FAM81B: variants seen among roughly 807,000 people sequenced by gnomAD.
FAM81B encodes the protein family with sequence similarity 81 member B.
In FAM81B, 60 loss-of-function variants were observed where a neutral mutation model predicts 58.7. That is an observed-to-expected ratio of 1.02 (90% CI 0.83 to 1.27). FAM81B has a LOEUF of 1.27. FAM81B is among the 50% of genes most tolerant of loss of function. The pLI is 0.00. For synonymous variants in FAM81B, 189 were observed against 179.6 expected (o/e 1.05, Z -0.42); for missense variants, 491 against 522.0 (o/e 0.94, Z 0.58).
chr5:95,399,780 G>A (rs553437593), intron 3 of FAM81B, among the ~76,000 whole-genome samples: 3 of 152,304 alleles, frequency 2.0e-5, no homozygotes, highest in Non-Finnish European at 4.4e-5. Flanking sequence ...TGGGAGCCAG[G>A]CAGGAAAGGT....
chr5:95,411,969 GTAA>G (rs922415225), intron 3 of FAM81B, among the ~76,000 whole-genome samples: 9 of 152,150 alleles, frequency 5.9e-5, no homozygotes, highest in Admixed American at 3.9e-4. Context: ...ATTGTGAAAA[GTAA>G]TAATAACAAT....
intron 8 of FAM81B, among the ~76,000 whole-genome samples, chr5:95,447,132 T>C (rs947839257): frequency 1.3e-5 from 2 of 152,082 alleles, no homozygotes; most frequent in African/African-American, 4.8e-5. Flanking sequence ...GATCAGACCA[T>C]GTAAAGACAG....
chr5:95,424,224 G>T, intron 5 of FAM81B: 1 of 1,289,614 alleles, frequency 7.8e-7, no homozygotes, highest in Non-Finnish European at 1.0e-6. Context: ...AATAGTTATT[G>T]TTAGAATGCA....
chr5:95,435,180 G>C (rs764859656), intron 6 of FAM81B, among the ~76,000 whole-genome samples: 1 of 152,218 alleles, frequency 6.6e-6, no homozygotes, highest in Non-Finnish European at 1.5e-5. Flanking sequence ...GAGCACAGTA[G>C]TCACAGCCCT....
intron 5 of FAM81B, among the ~76,000 whole-genome samples, chr5:95,421,034 G>C (rs1762667564): frequency 6.6e-6 from 1 of 152,106 alleles, no homozygotes; most frequent in African/African-American, 2.4e-5. Context: ...CTCGGAATTA[G>C]ATAATTACTA....
chr5:95,436,823 A>G lies in FAM81B; in HGVS notation c.810A>G (p.Ile270Met). The G allele has an allele frequency of 6.2e-7, 1 of 1,613,800 alleles. No individual in the cohort carries two copies. Among genetic ancestry groups the G allele is most frequent in the Non-Finnish European group, 8.5e-7 (1 of 1,179,646 alleles). ...AGGTGATGCAGCTCTTAGGAAAGAT[A>G]GAAACTGCCAGTTCTGAGCAAACCT... The part of the protein sequence containing the change: ...DMKVMQLLGK[I>M]ETASSEQTSN... Residue 270 changes from isoleucine to methionine, a missense_variant, in exon 7 of 10, where the codon ATA (isoleucine) becomes ATG (methionine). Ile to Met is a conservative substitution (Grantham distance 10, BLOSUM62 1). Transcript: ENST00000283357.
intron 3 of FAM81B, chr5:95,410,679 G>C (rs1317791372): frequency 6.6e-6 from 1 of 152,068 alleles, no homozygotes; most frequent in Non-Finnish European, 1.5e-5. Flanking sequence ...ATTTCCAAGA[G>C]GGCAGGGGCT....
At chr5:95,414,215 G>A (rs1762479814) in intron 4 of FAM81B, 25 bp downstream of exon 4, 2 of 1,587,648 alleles carry the variant, frequency 1.3e-6, no homozygotes, top group South Asian at 1.2e-5. Context: ...GTTTTATTTT[G>A]TTTTTGTTTT....
rs371798339 is a variant in FAM81B at position 95,417,600 on chromosome 5, G to A, written c.538-2684G>A. On this transcript the variant is annotated intron_variant, in intron 4 of 9. Transcript: ENST00000283357. ...TACTTTTAAATTTTGTTGATTTGAC[G>A]AGCTCTTTTATTTTACATATTAGAA... Among the ~76,000 whole-genome samples, 90 of 152,104 alleles carry A rather than the reference G, an allele frequency of 5.9e-4. 1 individual carries two copies. The highest frequency in any genetic ancestry group is 1.6e-3 in the African/African-American group (65 of 41,496).
At chr5:95,416,623 A>G (rs967067963) in intron 4 of FAM81B, among the ~76,000 whole-genome samples, 2 of 152,200 alleles carry the variant, frequency 1.3e-5, no homozygotes, top group Non-Finnish European at 2.9e-5. Context: ...AAATACCCAG[A>G]TGAATCTCCC....
At chr5:95,418,690 C>T (rs1371948644) in intron 4 of FAM81B, among the ~76,000 whole-genome samples, 2 of 152,076 alleles carry the variant, frequency 1.3e-5, no homozygotes, top group African/African-American at 4.8e-5. Flanking sequence ...CACTGGGGGT[C>T]TTAGAACGTA....
At chr5:95,435,999 C>T (rs1212530120) in intron 6 of FAM81B, among the ~76,000 whole-genome samples, 2 of 152,224 alleles carry the variant, frequency 1.3e-5, no homozygotes, top group South Asian at 4.1e-4. Flanking sequence ...TTATTAAATG[C>T]CCACTCTCCT....
intron 3 of FAM81B, among the ~76,000 whole-genome samples, chr5:95,405,159 T>G (rs1762213012): frequency 6.6e-6 from 1 of 152,220 alleles, no homozygotes; most frequent in African/African-American, 2.4e-5. Flanking sequence ...AGCCTAAGAA[T>G]ACTGCTGGGT....
rs1414559239 is a variant in FAM81B at position 95,445,629 on chromosome 5, G to A, written c.894-933G>A. ...TGATAGGTCCCGTAGGTACCTTCCT[G>A]TACCTCTATTACTTCTGCTTTTGCC... On this transcript the variant is annotated intron_variant, in intron 7 of 9. Transcript: ENST00000283357. 2.0e-5 allele frequency among the ~76,000 whole-genome samples: 3 copies of A among 151,854 alleles called. 1 individual carries two copies. Among genetic ancestry groups the A allele is most frequent in the South Asian group, 4.2e-4 (2 of 4,810 alleles).
At chr5:95,449,989 A>T (rs1333972280) in intron 9 of FAM81B, among the ~76,000 whole-genome samples, 160 bp from the exon 10 acceptor site, 3 of 152,236 alleles carry the variant, frequency 2.0e-5, no homozygotes, top group Non-Finnish European at 4.4e-5. Flanking sequence ...CATGACATAC[A>T]AGAAATATAT....
intron 7 of FAM81B, among the ~76,000 whole-genome samples, chr5:95,438,109 C>T (rs73141966): frequency 3.9e-5 from 6 of 152,158 alleles, no homozygotes; most frequent in South Asian, 2.1e-4. Flanking sequence ...TGCTAAAATG[C>T]GAAATATGTG....
intron 7 of FAM81B, chr5:95,440,528 T>A: frequency 1.8e-6 from 1 of 569,068 alleles, no homozygotes; most frequent in Non-Finnish European, 3.4e-6. Context: ...TTGGTTTTGA[T>A]GCAGGAGATG....
intron 7 of FAM81B, chr5:95,440,333 T>G: frequency 1.0e-6 from 1 of 962,446 alleles, no homozygotes; most frequent in Non-Finnish European, 1.6e-6. Context: ...CATTGATCAA[T>G]TTGGATGTAA....
intron 3 of FAM81B, among the ~76,000 whole-genome samples, chr5:95,401,050 A>G (rs1423823486): frequency 2.6e-5 from 4 of 152,222 alleles, no homozygotes; most frequent in African/African-American, 9.6e-5. Flanking sequence ...ACCTGTAAGT[A>G]TGACCCAGAC....
Sources: gnomAD v4.1 joint callset for allele counts (sites outside exome capture counted in the v4.1 genomes callset) on GRCh38, gnomAD v4.1.1 for gene constraint, MANE v1.5 for transcripts, NCBI Gene and HGNC (gene_info 2026-07-23, HGNC 2026-07-21) for gene names.